The following FGF13 variants were observed in gnomAD, a reference collection of about 807,000 sequenced individuals.
The protein encoded by FGF13 is fibroblast growth factor 13, also known as fibroblast growth factor homologous factor 2.
In FGF13, 2 loss-of-function variants were observed where a neutral mutation model predicts 19.5. That is an observed-to-expected ratio of 0.10 (90% CI 0.04 to 0.32). The LOEUF is 0.32. FGF13 is among the 10% of genes least tolerant of loss of function. FGF13 has a pLI of 1.00. For missense variants in FGF13, 113 were observed against 192.7 expected (o/e 0.59, Z 2.45); for synonymous variants, 72 against 76.9 (o/e 0.94, Z 0.33).
At chrX:138,698,666 T>TTC (rs375857585) in intron 3 of FGF13, among the ~76,000 whole-genome samples, 51 of 111,772 alleles carry the variant, frequency 4.6e-4, no homozygotes, top group African/African-American at 1.2e-3. Flanking sequence ...CCCTTGGATA[T>TTC]TGATATAATT....
intron 3 of FGF13, among the ~76,000 whole-genome samples, chrX:138,696,677 T>C (rs1024738205): frequency 4.5e-5 from 5 of 112,031 alleles, no homozygotes; most frequent in Non-Finnish European, 1.9e-5. Flanking sequence ...GGACGGGTCA[T>C]CTCAGGGATT....
intron 1 of FGF13, among the ~76,000 whole-genome samples, chrX:139,153,231 G>A (rs1185326281): frequency 1.8e-5 from 2 of 110,818 alleles, no homozygotes; most frequent in Middle Eastern, 4.2e-3. Context: ...ACTATTGGCA[G>A]GTCCAACCTG....
At chrX:138,984,347 G>A (rs1455719730) in intron 1 of FGF13, among the ~76,000 whole-genome samples, 1 of 103,797 alleles carries the variant, frequency 9.6e-6, no homozygotes, top group Non-Finnish European at 2.0e-5. Flanking sequence ...GGCGGAGGTT[G>A]TAGTGAACCG....
At chrX:138,648,622 A>G (rs148254090) in intron 3 of FGF13, among the ~76,000 whole-genome samples, 2,098 of 111,657 alleles carry the variant, frequency 0.019, 39 homozygotes, top group African/African-American at 0.065. Context: ...TATGTTCTGC[A>G]GTATTATTTT....
chrX:138,910,455 G>C (rs17001835), intron 1 of FGF13, among the ~76,000 whole-genome samples: 5,344 of 111,430 alleles, frequency 0.048, 350 homozygotes, highest in African/African-American at 0.16. Flanking sequence ...CAAAGCATAG[G>C]AAGATGGCAG....
At chrX:138,646,997 C>T (rs1273301032) in intron 3 of FGF13, among the ~76,000 whole-genome samples, 1 of 110,984 alleles carries the variant, frequency 9.0e-6, no homozygotes, top group African/African-American at 3.3e-5. Flanking sequence ...GAATGTTTAA[C>T]GGGGAAGGCT....
chrX:139,087,295 CA>C (rs200436266), intron 1 of FGF13, among the ~76,000 whole-genome samples: 105 of 94,252 alleles, frequency 1.1e-3, no homozygotes, highest in Admixed American at 1.0e-3. Flanking sequence ...AAAACTCCGT[CA>C]AAAAAAAAAA....
chrX:139,187,829 G>C (rs939654950), intron 1 of FGF13, among the ~76,000 whole-genome samples: 1 of 112,020 alleles, frequency 8.9e-6, no homozygotes, highest in African/African-American at 3.2e-5. Context: ...ACTGAAATGA[G>C]AGTGGCATAA....
In FGF13 at chrX:138,729,686, TAAAA is replaced by T. The variant is rs200407528; in HGVS notation, c.28+9552_28+9555del. 1.7e-3 allele frequency among the ~76,000 whole-genome samples: 180 copies of T among 107,397 alleles called. 6 individuals carry two copies. In the East Asian group the frequency reaches 0.034, roughly 20 times the overall value. The allele number at this position is 107,397 out of a possible 115,157, so 93.3% of individuals were successfully genotyped here. ...CTCAGAGAATATCAAATAAGCCTAA[TAAAA>T]CAAACAAACAAACAAACAAACAAAC... is the stretch of plus-strand genomic sequence containing the variant. On this transcript the variant is annotated intron_variant, in intron 1 of 4. Transcript: ENST00000305414.
At chrX:138,851,665 G>T (rs1417005837) in intron 3 of FGF13, among the ~76,000 whole-genome samples, 1 of 111,889 alleles carries the variant, frequency 8.9e-6, no homozygotes, top group Non-Finnish European at 1.9e-5. Context: ...CACAAGACAA[G>T]GATGCCGTCT....
At chrX:138,646,561 T>G (rs1314898549) in intron 3 of FGF13, among the ~76,000 whole-genome samples, 1 of 111,824 alleles carries the variant, frequency 8.9e-6, no homozygotes, top group Non-Finnish European at 1.9e-5. Flanking sequence ...TCCATTTATC[T>G]TATATAAATC....
chrX:138,978,479 G>T (rs1371980857), intron 1 of FGF13, among the ~76,000 whole-genome samples: 1 of 110,494 alleles, frequency 9.1e-6, no homozygotes, highest in Non-Finnish European at 1.9e-5. Flanking sequence ...AGCCAAGATG[G>T]TCTCGATCTC....
At chrX:138,782,855 A>C (rs1419509673) in intron 3 of FGF13, among the ~76,000 whole-genome samples, 1 of 95,355 alleles carries the variant, frequency 1.0e-5, no homozygotes. Flanking sequence ...CACATCGCCA[A>C]GTCAATCCTA....
intron 1 of FGF13, among the ~76,000 whole-genome samples, chrX:139,169,477 T>C (rs2084112490): frequency 9.1e-6 from 1 of 109,880 alleles, no homozygotes; most frequent in Admixed American, 9.8e-5. Flanking sequence ...TGCTTGCTTG[T>C]ATTTTTTAAA....
rs1452496672 is a variant in FGF13, at chrX:138,622,386, A to G, written c.*10464T>C. ...TTAACAGATACAGAAAAGGCATTTG[A>G]AAAAAAATCAACACCCTTTCATGAT... On this transcript the variant is annotated 3_prime_UTR_variant, in exon 5 of 5. Transcript: ENST00000315930. 1 of 111,677 alleles carries G rather than the reference A, an allele frequency of 9.0e-6. No individual in the cohort carries two copies. The highest frequency in any genetic ancestry group is 1.9e-5 in the Non-Finnish European group (1 of 52,990). 9.2% of individuals were successfully genotyped at this position (111,677 alleles called of 1,213,427 possible).
intron 2 of FGF13, among the ~76,000 whole-genome samples, chrX:138,704,738 C>T (rs759009561): frequency 8.9e-6 from 1 of 112,249 alleles, no homozygotes; most frequent in Admixed American, 9.4e-5. Context: ...TACCACATGC[C>T]ACTGATGGCA....
chrX:138,772,357 G>C (rs1234227095), intron 3 of FGF13, among the ~76,000 whole-genome samples: 1 of 108,066 alleles, frequency 9.3e-6, no homozygotes, highest in Admixed American at 9.9e-5. Flanking sequence ...CACATAACAG[G>C]AGGACTGTTA....
At chrX:139,143,844 C>A (rs2083866000) in intron 1 of FGF13, among the ~76,000 whole-genome samples, 1 of 111,732 alleles carries the variant, frequency 8.9e-6, no homozygotes, top group Non-Finnish European at 1.9e-5. Context: ...GCACAGTGGA[C>A]CTACATACTA....
intron 1 of FGF13, among the ~76,000 whole-genome samples, chrX:138,893,772 C>A (rs2091489399): frequency 9.0e-6 from 1 of 111,452 alleles, no homozygotes; most frequent in African/African-American, 3.3e-5. Flanking sequence ...TAGTGCCCAG[C>A]ATAGACACCC....
Sources: gnomAD v4.1 joint callset for allele counts (sites outside exome capture counted in the v4.1 genomes callset) on GRCh38, gnomAD v4.1.1 for gene constraint, MANE v1.5 for transcripts, NCBI Gene and HGNC (gene_info 2026-07-23, HGNC 2026-07-21) for gene names.